SOCS5: variants seen among roughly 807,000 people sequenced by gnomAD.
SOCS5 encodes suppressor of cytokine signaling 5.
Under a neutral mutation model 42.8 loss-of-function variants are expected in SOCS5, and 32 were observed. That is an observed-to-expected ratio of 0.75 (90% CI 0.56 to 1.01). The LOEUF is 1.01. Among genes scored for constraint, SOCS5 ranks in the 50% least tolerant of loss-of-function variants. The pLI is 0.00. For synonymous variants in SOCS5, 283 were observed against 229.6 expected (o/e 1.23, Z -2.10); for missense variants, 627 against 653.0 (o/e 0.96, Z 0.43).
chr2:46,733,258 C>G (rs913540009), intron 1 of SOCS5, among the ~76,000 whole-genome samples: 3 of 152,014 alleles, frequency 2.0e-5, no homozygotes, highest in Non-Finnish European at 2.9e-5. Context: ...CTATGCCCAG[C>G]TAAGTTTTAT....
intron 1 of SOCS5, among the ~76,000 whole-genome samples, chr2:46,727,800 C>G (rs1454398871): frequency 1.3e-5 from 2 of 152,150 alleles, no homozygotes; most frequent in African/African-American, 4.8e-5. Flanking sequence ...GTGAGTTCCT[C>G]CCTCTCAGCA....
At chr2:46,718,842 G>A (rs1672812671) in intron 1 of SOCS5, among the ~76,000 whole-genome samples, 2 of 152,262 alleles carry the variant, frequency 1.3e-5, no homozygotes, top group East Asian at 1.9e-4. Flanking sequence ...ATATCTTGCT[G>A]GTAGGAACAT....
rs183103594 is a variant in SOCS5, at chr2:46,762,063, A to G, written c.*1922A>G. ...TCTTAATTAAAAATAAATGCCCAAA[A>G]TGTAGAACTTTAACCAAAGACTTGT... On this transcript the variant is annotated 3_prime_UTR_variant, in exon 2 of 2. Transcript: ENST00000394861. The G allele has an allele frequency of 1.2e-5, 2 of 167,042 alleles. No homozygotes were observed. The highest frequency in any genetic ancestry group is 4.8e-5 in the African/African-American group (2 of 41,460). 10.3% of individuals were successfully genotyped at this position (167,042 alleles called of 1,614,324 possible).
chr2:46,758,657 A>G lies in SOCS5; in HGVS notation c.127A>G (p.Lys43Glu). The G allele has an allele frequency of 6.2e-7, 1 of 1,614,178 alleles. No homozygotes were observed. Among genetic ancestry groups the G allele is most frequent in the Non-Finnish European group, 8.5e-7 (1 of 1,180,006 alleles). The change falls in exon 2 of 2, where the codon AAA becomes GAA. Residue 43 changes from lysine to glutamate, a missense_variant. Physicochemically the swap from Lys to Glu is moderately conservative, Grantham distance 56 (BLOSUM62 1). Coordinates refer to ENST00000394861, the MANE Select transcript of SOCS5 (RefSeq NM_144949.3). ...CAACAGATGTTTGTCTGTCAAAGAG[A>G]AAAACATCAGCATAGGAGACTCAAC... Reference protein sequence around the residue: ...NSNRCLSVKEKNISIGDSTPQ... With the variant: ...NSNRCLSVKEENISIGDSTPQ...
chr2:46,702,822 A>G lies in SOCS5; in HGVS notation c.-13+3373A>G, dbSNP rs545586530. On this transcript the variant is annotated intron_variant, in intron 1 of 1. Coordinates refer to ENST00000394861, the MANE Select transcript of SOCS5 (RefSeq NM_144949.3). Reference sequence around the variant, plus strand: ...ACGGTGACAGTTTGAGTTATAAGTTATCTCAGAATCCTTCTTAATGGTGTA... The same window carrying G: ...ACGGTGACAGTTTGAGTTATAAGTTGTCTCAGAATCCTTCTTAATGGTGTA... Among the ~76,000 whole-genome samples, 40 of 152,330 alleles carry G rather than the reference A, an allele frequency of 2.6e-4. 1 individual carries two copies. Among genetic ancestry groups the G allele is most frequent in the South Asian group, 8.3e-4 (4 of 4,826 alleles).
chr2:46,757,764 G>A (rs1572849043), intron 1 of SOCS5, among the ~76,000 whole-genome samples: 1 of 152,294 alleles, frequency 6.6e-6, no homozygotes, highest in East Asian at 1.9e-4. Flanking sequence ...CTACTCAGAG[G>A]CTGAGGCAGG....
At position 46,699,539 on chromosome 2, in the gene SOCS5, C is replaced by A. The variant is rs993175111; in HGVS notation, c.-13+90C>A. ...GGCCGCCTCTCGGTGCCCCAGTGCC[C>A]GCGCCCGGCGCATTCCGCCCCCGGC... On this transcript the variant is annotated intron_variant, in intron 1 of 1. Transcript: ENST00000394861. This position sits in a 1 kb window ranked among gnomAD's most constrained non-coding sequence, Gnocchi z 4.8. The A allele has an allele frequency of 6.6e-6, 1 of 151,800 alleles. No homozygotes were observed. Among genetic ancestry groups the A allele is most frequent in the South Asian group, 1.9e-4 (1 of 5,278 alleles). 9.4% of individuals were successfully genotyped at this position (151,800 alleles called of 1,614,324 possible).
At chr2:46,735,845 G>C (rs1163408290) in intron 1 of SOCS5, among the ~76,000 whole-genome samples, 1 of 151,836 alleles carries the variant, frequency 6.6e-6, no homozygotes, top group East Asian at 1.9e-4. Context: ...GAAAAGAATA[G>C]ACACAGTCAA....
At chr2:46,757,578 C>T (rs1158133115) in intron 1 of SOCS5, among the ~76,000 whole-genome samples, 2 of 151,696 alleles carry the variant, frequency 1.3e-5, no homozygotes, top group Non-Finnish European at 3.0e-5. Flanking sequence ...TTAAAGACAC[C>T]TTTCCTGGCC....
chr2:46,747,219 G>A (rs1443391432), intron 1 of SOCS5, among the ~76,000 whole-genome samples: 2 of 151,934 alleles, frequency 1.3e-5, no homozygotes, highest in African/African-American at 4.8e-5. Flanking sequence ...GTTGTTCATA[G>A]TGGTCTCTTA....
chr2:46,743,878 T>C lies in SOCS5; in HGVS notation c.-12-14641T>C, dbSNP rs190393807. 1.3e-4 allele frequency among the ~76,000 whole-genome samples: 20 copies of C among 152,320 alleles called. No individual in the cohort carries two copies. In the East Asian group the frequency reaches 3.7e-3, roughly 28 times the overall value. Reference sequence around the variant, plus strand: ...CACAATGAGTTATATTTTTCTCATTTTCTACATAAAGGAAGCATATCAGTT... The same window carrying C: ...CACAATGAGTTATATTTTTCTCATTCTCTACATAAAGGAAGCATATCAGTT... On this transcript the variant is annotated intron_variant, in intron 1 of 1. Transcript: ENST00000394861.
At chr2:46,726,144 T>C (rs941049315) in intron 1 of SOCS5, among the ~76,000 whole-genome samples, 5 of 152,216 alleles carry the variant, frequency 3.3e-5, no homozygotes, top group Admixed American at 1.3e-4. Context: ...TCGCCCAGGC[T>C]GGAGTGCAGT....
At chr2:46,729,798 A>G (rs1478943050) in intron 1 of SOCS5, among the ~76,000 whole-genome samples, 3 of 152,200 alleles carry the variant, frequency 2.0e-5, no homozygotes, top group Non-Finnish European at 2.9e-5. Flanking sequence ...CTTCAATAAC[A>G]AATTGACCTT....
intron 1 of SOCS5, among the ~76,000 whole-genome samples, chr2:46,722,386 A>G (rs1029859243): frequency 3.9e-5 from 6 of 152,142 alleles, no homozygotes; most frequent in Non-Finnish European, 8.8e-5. Context: ...TTAGTCTGTC[A>G]TTCACATTTA....
chr2:46,709,913 C>G (rs1672579183), intron 1 of SOCS5, among the ~76,000 whole-genome samples: 1 of 152,152 alleles, frequency 6.6e-6, no homozygotes, highest in African/African-American at 2.4e-5. Flanking sequence ...TCTATAACAG[C>G]AATTCTTAAA....
At chr2:46,712,924 G>A in intron 1 of SOCS5, among the ~76,000 whole-genome samples, 1 of 152,030 alleles carries the variant, frequency 6.6e-6, no homozygotes, top group Non-Finnish European at 1.5e-5. Flanking sequence ...ATTAGGAGGT[G>A]TTTCCTCTTA....
intron 1 of SOCS5, among the ~76,000 whole-genome samples, chr2:46,743,262 T>C (rs890513781): frequency 6.6e-6 from 1 of 152,068 alleles, no homozygotes; most frequent in Non-Finnish European, 1.5e-5. Context: ...TAGAGTAAAG[T>C]GAAAGCAAGT....
chr2:46,720,392 T>G (rs893245361), intron 1 of SOCS5, among the ~76,000 whole-genome samples: 5 of 152,210 alleles, frequency 3.3e-5, no homozygotes, highest in Non-Finnish European at 7.3e-5. Context: ...GGTAAAACTT[T>G]AATAACAAAC....
At chr2:46,730,580 A>G (rs55817465) in intron 1 of SOCS5, among the ~76,000 whole-genome samples, 7,276 of 152,278 alleles carry the variant, frequency 0.048, 626 homozygotes, top group African/African-American at 0.17. Flanking sequence ...AGCCTGGGCG[A>G]CAGAGTGAGA....
Sources: allele counts gnomAD v4.1 joint callset (sites outside exome capture counted in the v4.1 genomes callset), GRCh38; gene constraint gnomAD v4.1.1; non-coding constraint Gnocchi (gnomAD v3.1); transcripts MANE v1.5; gene names NCBI Gene and HGNC (gene_info 2026-07-23, HGNC 2026-07-21).